The following UBE2O variants were observed in gnomAD, a reference collection of about 807,000 sequenced individuals.
UBE2O encodes ubiquitin conjugating enzyme E2 O.
UBE2O carries 15 observed loss-of-function variants against 125.8 expected under a neutral mutation model. That is an observed-to-expected ratio of 0.12 (90% CI 0.08 to 0.18). The LOEUF (loss-of-function observed/expected upper bound fraction) is 0.18, where lower values mean the gene tolerates loss of function less well. Ranked by LOEUF, UBE2O falls within the 10% of genes least tolerant of loss-of-function variation. UBE2O has a pLI of 1.00. For missense variants in UBE2O, 1,280 were observed against 1,723.6 expected (o/e 0.74, Z 4.56); for synonymous variants, 708 against 703.2 (o/e 1.01, Z -0.11).
intron 1 of UBE2O, among the ~76,000 whole-genome samples, chr17:76,409,442 G>A (rs1351486569): frequency 1.3e-5 from 2 of 151,734 alleles, no homozygotes; most frequent in Non-Finnish European, 2.9e-5. Flanking sequence ...TGTCGCCCAG[G>A]TTGGAGTGCA....
intron 1 of UBE2O, among the ~76,000 whole-genome samples, chr17:76,406,856 C>T (rs1273668517): frequency 2.6e-5 from 4 of 152,004 alleles, no homozygotes; most frequent in African/African-American, 9.7e-5. Flanking sequence ...CGTGCCACCA[C>T]GCCCGGCTAA....
chr17:76,440,875 T>C (rs1450851623), intron 1 of UBE2O, among the ~76,000 whole-genome samples: 2 of 152,244 alleles, frequency 1.3e-5, no homozygotes, highest in Non-Finnish European at 2.9e-5. Flanking sequence ...ATTTATCATC[T>C]GGCCCTTTAC....
chr17:76,409,219 C>T (rs937977201), intron 1 of UBE2O, among the ~76,000 whole-genome samples: 7 of 152,160 alleles, frequency 4.6e-5, no homozygotes, highest in South Asian at 4.1e-4. Flanking sequence ...CTGCCAGCCT[C>T]GGCCTCCCAA....
Position 76,399,817 on chromosome 17 carries a change from T to C in UBE2O, c.1260A>G (p.Glu420=). 3 of 1,614,218 alleles carry C rather than the reference T, an allele frequency of 1.9e-6. No individual in the cohort carries two copies. Among genetic ancestry groups the C allele is most frequent in the South Asian group, 1.1e-5 (1 of 91,090 alleles). ...HSMEDPDKKG[E]SKTKSEAESA... ...ACTCCGCTTCGCTCTTGGTTTTGGA[T>C]TCCCCCTTCTTGTCTGGGTCTTCCA... The change falls in exon 9 of 18, where the codon GAA becomes GAG. Residue 420 remains glutamate (E), a synonymous_variant. Coordinates refer to ENST00000319380, the MANE Select transcript of UBE2O (RefSeq NM_022066.4). The surrounding 1 kb of genome is among the most constrained non-coding windows in gnomAD (Gnocchi z 6.9).
chr17:76,436,523 G>A (rs531303976), intron 1 of UBE2O, among the ~76,000 whole-genome samples: 3 of 152,064 alleles, frequency 2.0e-5, no homozygotes, highest in Non-Finnish European at 1.5e-5. Context: ...TATTACACCT[G>A]GGACTTTCCC....
intron 1 of UBE2O, among the ~76,000 whole-genome samples, chr17:76,422,860 G>T (rs1339920066): frequency 5.3e-5 from 8 of 152,250 alleles, no homozygotes; most frequent in Admixed American, 5.2e-4. Context: ...GGGCACCAGT[G>T]CACCCCAGCA....
In UBE2O at chr17:76,402,043, G is replaced by A; in HGVS notation, c.750+21C>T. The A allele has an allele frequency of 6.2e-7, 1 of 1,612,872 alleles. No individual in the cohort carries two copies. Among genetic ancestry groups the A allele is most frequent in the African/African-American group, 1.3e-5 (1 of 75,022 alleles). On this transcript the variant is annotated intron_variant, in intron 5 of 17. Transcript: ENST00000319380. The surrounding 1 kb of genome is among the most constrained non-coding windows in gnomAD (Gnocchi z 5.4). ...GACTGAGCAATCAGAGAAGGGTGCT[G>A]GCCTGGATGGAGCACACTACCGAGT...
chr17:76,409,430 T>G (rs1201283438), intron 1 of UBE2O, among the ~76,000 whole-genome samples: 3 of 151,810 alleles, frequency 2.0e-5, no homozygotes, highest in Non-Finnish European at 2.9e-5. Context: ...AGAGTCTCGC[T>G]TTGTCGCCCA....
At chr17:76,430,436 A>C (rs2143844308) in intron 1 of UBE2O, 1 of 214,554 alleles carries the variant, frequency 4.7e-6, no homozygotes, top group East Asian at 1.4e-4. Flanking sequence ...TCTTCTAAGA[A>C]GCCTGTGGAT....
chr17:76,400,299 TG>T lies in UBE2O; in HGVS notation c.1005-3del, dbSNP rs1377266066. On this transcript the variant is annotated splice_region_variant and splice_polypyrimidine_tract_variant and intron_variant, in intron 7 of 17. Coordinates refer to ENST00000319380, the MANE Select transcript of UBE2O (RefSeq NM_022066.4). This position sits in a 1 kb window ranked among gnomAD's most constrained non-coding sequence, Gnocchi z 4.3. ...TCAAAGCATCCGAGACGCTTCACCC[TG>T]GTTGGGGAAGAAGTGGGGGTGAGCT... 6.2e-7 allele frequency: 1 copy of T among 1,613,070 alleles called. No homozygotes were observed. Among genetic ancestry groups the T allele is most frequent in the South Asian group, 1.1e-5 (1 of 91,062 alleles).
intron 15 of UBE2O, among the ~76,000 whole-genome samples, chr17:76,394,743 G>A (rs930230914): frequency 3.3e-5 from 5 of 152,260 alleles, no homozygotes; most frequent in South Asian, 2.1e-4. Flanking sequence ...CCTATGATTC[G>A]GGGAGAAAGG....
In UBE2O at chr17:76,398,827, C is replaced by A. The variant is rs754178014; in HGVS notation, c.1783+10G>T. The A allele has an allele frequency of 6.2e-7, 1 of 1,612,278 alleles. No individual in the cohort carries two copies. The highest frequency in any genetic ancestry group is 8.5e-7 in the Non-Finnish European group (1 of 1,178,954). ...CACCCTGCTGGCTGCCCTTCCAGAGCTGGCACTACCTCGCTTATCTACCAC... is the reference window on the plus strand; with the variant it reads ...CACCCTGCTGGCTGCCCTTCCAGAGATGGCACTACCTCGCTTATCTACCAC... On this transcript the variant is annotated intron_variant, in intron 10 of 17. Transcript: ENST00000319380. This position sits in a 1 kb window ranked among gnomAD's most constrained non-coding sequence, Gnocchi z 5.4.
chr17:76,421,282 T>TC (rs919807399), intron 1 of UBE2O, among the ~76,000 whole-genome samples: 8 of 152,160 alleles, frequency 5.3e-5, no homozygotes, highest in Non-Finnish European at 8.8e-5. Flanking sequence ...CACCACATGG[T>TC]CACCATTCTT....
chr17:76,400,333 A>G lies in UBE2O; in HGVS notation c.1005-36T>C. The G allele has an allele frequency of 6.2e-7, 1 of 1,607,958 alleles. No individual in the cohort carries two copies. Among genetic ancestry groups the G allele is most frequent in the Non-Finnish European group, 8.5e-7 (1 of 1,175,984 alleles). ...AAGAAGTGGGGGTGAGCTGGGCTGG[A>G]CTCCTGGGAGGCCAGCAGTGTTCTT... On this transcript the variant is annotated intron_variant, in intron 7 of 17. Coordinates refer to ENST00000319380, the MANE Select transcript of UBE2O (RefSeq NM_022066.4). This position sits in a 1 kb window ranked among gnomAD's most constrained non-coding sequence, Gnocchi z 4.3.
At chr17:76,422,878 G>A (rs1232646776) in intron 1 of UBE2O, among the ~76,000 whole-genome samples, 2 of 152,226 alleles carry the variant, frequency 1.3e-5, no homozygotes, top group African/African-American at 2.4e-5. Flanking sequence ...GCAAGTGCCT[G>A]GAACACAGAA....
chr17:76,434,567 T>C (rs1330815850), intron 1 of UBE2O, among the ~76,000 whole-genome samples: 3 of 152,068 alleles, frequency 2.0e-5, no homozygotes, highest in Non-Finnish European at 4.4e-5. Context: ...CTCCTCGTCC[T>C]GGGGAAAGGC....
chr17:76,406,522 G>A (rs959341294), intron 1 of UBE2O, among the ~76,000 whole-genome samples: 1 of 150,918 alleles, frequency 6.6e-6, no homozygotes, highest in Non-Finnish European at 1.5e-5. Flanking sequence ...CTGAGTCGCC[G>A]AAAAAGGAAG....
At chr17:76,432,888 C>T (rs764104315) in intron 1 of UBE2O, among the ~76,000 whole-genome samples, 5 of 152,112 alleles carry the variant, frequency 3.3e-5, no homozygotes, top group Admixed American at 6.5e-5. Flanking sequence ...AATGCAATAC[C>T]CATGCATGCC....
Position 76,399,407 on chromosome 17 carries a change from T to C in UBE2O, c.1628+42A>G. On this transcript the variant is annotated intron_variant, in intron 9 of 17. Transcript: ENST00000319380. This position sits in a 1 kb window ranked among gnomAD's most constrained non-coding sequence, Gnocchi z 6.9. ...GAGGGGACGCGCACTCTGCCTGGCT[T>C]CACGCTGACGCCATTGGGGAGGGGC... The C allele has an allele frequency of 6.3e-7, 1 of 1,587,876 alleles. No individual in the cohort carries two copies. The highest frequency in any genetic ancestry group is 8.6e-7 in the Non-Finnish European group (1 of 1,161,198).
Sources: allele counts gnomAD v4.1 joint callset (sites outside exome capture counted in the v4.1 genomes callset), GRCh38; gene constraint gnomAD v4.1.1; non-coding constraint Gnocchi (gnomAD v3.1); transcripts MANE v1.5; gene names NCBI Gene and HGNC (gene_info 2026-07-23, HGNC 2026-07-21).